Variants in MYRFL observed in about 807,000 individuals in gnomAD.
MYRFL encodes myelin regulatory factor-like protein.
MYRFL carries 88 observed loss-of-function variants against 109.4 expected under a neutral mutation model. The observed-to-expected ratio is 0.80, with a 90% CI of 0.68 to 0.96. The LOEUF is 0.96. Ranked by LOEUF, MYRFL falls within the 40% of genes least tolerant of loss-of-function variation. The probability of loss-of-function intolerance (pLI) is 0.00; values close to 1 mark genes in which losing one functional copy is unlikely to be tolerated. For synonymous variants in MYRFL, 324 were observed against 320.9 expected (o/e 1.01, Z -0.10); for missense variants, 957 against 954.9 (o/e 1.00, Z -0.03).
intron 11 of MYRFL, 60 bp from the exon 12 acceptor site, chr12:69,909,909 C>A: frequency 8.6e-7 from 1 of 1,165,570 alleles, no homozygotes; most frequent in South Asian, 1.6e-5. Flanking sequence ...TCACTCTGGG[C>A]ATTAATTTGA....
At chr12:69,843,280 A>T (rs1003390929) in intron 1 of MYRFL, among the ~76,000 whole-genome samples, 1 of 152,200 alleles carries the variant, frequency 6.6e-6, no homozygotes, top group African/African-American at 2.4e-5. Context: ...GAGGGAAACT[A>T]TGTTTAAATC....
At position 69,879,026 on chromosome 12, in the gene MYRFL, A is replaced by G. The variant is rs981906153; in HGVS notation, c.138-2A>G. The G allele has an allele frequency of 7.1e-6, 5 of 702,842 alleles. No individual in the cohort carries two copies. Among genetic ancestry groups the G allele is most frequent in the African/African-American group, 3.5e-5 (2 of 57,260 alleles). The allele number at this position is 702,842 out of a possible 1,614,324, so 43.5% of individuals were successfully genotyped here. On this transcript the variant is annotated splice_acceptor_variant, in intron 2 of 24. Transcript: ENST00000552032. LOFTEE classifies it high-confidence loss of function. Reference sequence around the variant, plus strand: ...AACGCAATGTATGTCTCTAATCTTCAGGCAACGCCAGCTCCCAGACACCCC... The same window carrying G: ...AACGCAATGTATGTCTCTAATCTTCGGGCAACGCCAGCTCCCAGACACCCC...
At chr12:69,856,880 C>A (rs1354311839) in intron 2 of MYRFL, among the ~76,000 whole-genome samples, 1 of 151,828 alleles carries the variant, frequency 6.6e-6, no homozygotes, top group Non-Finnish European at 1.5e-5. Flanking sequence ...TTTCTCAGAG[C>A]AAAAGTTTTA....
chr12:69,843,034 A>T (rs1317693905), intron 1 of MYRFL, among the ~76,000 whole-genome samples: 2 of 152,260 alleles, frequency 1.3e-5, no homozygotes, highest in Non-Finnish European at 2.9e-5. Flanking sequence ...AGAAAATGTC[A>T]TCCTTACTTC....
At chr12:69,948,421 GGAA>G (rs1211853808) in intron 19 of MYRFL, among the ~76,000 whole-genome samples, 1 of 152,144 alleles carries the variant, frequency 6.6e-6, no homozygotes, top group Non-Finnish European at 1.5e-5. Context: ...ACAGTTCTGT[GGAA>G]GAAGACAAAT....
chr12:69,850,319 A>G (rs1048053053), intron 1 of MYRFL, among the ~76,000 whole-genome samples: 1 of 152,114 alleles, frequency 6.6e-6, no homozygotes, highest in Non-Finnish European at 1.5e-5. Flanking sequence ...AGAAATTATC[A>G]TTATAAGAAA....
In MYRFL at chr12:69,876,509, T is replaced by C. The variant is rs114055135; in HGVS notation, c.138-2519T>C. Reference sequence around the variant, plus strand: ...ACGAAAAGAGCTCTTTGTGATTCTTTAGCATTCCCTATTTATCTGGTTTTG... The same window carrying C: ...ACGAAAAGAGCTCTTTGTGATTCTTCAGCATTCCCTATTTATCTGGTTTTG... On this transcript the variant is annotated intron_variant, in intron 2 of 24. Transcript: ENST00000552032. Among the ~76,000 whole-genome samples the C allele has an allele frequency of 5.3e-3, 812 of 152,356 alleles. 7 individuals are homozygous for C. The highest frequency in any genetic ancestry group is 0.018 in the African/African-American group (755 of 41,572).
chr12:69,875,848 C>CTGT (rs1885631334), intron 2 of MYRFL, among the ~76,000 whole-genome samples: 1 of 152,156 alleles, frequency 6.6e-6, no homozygotes, highest in Non-Finnish European at 1.5e-5. Context: ...TTGGGGATTG[C>CTGT]TGTTGTAGAG....
At chr12:69,931,542 T>C (rs74843471) in intron 15 of MYRFL, among the ~76,000 whole-genome samples, 14,314 of 152,184 alleles carry the variant, frequency 0.094, 947 homozygotes, top group Middle Eastern at 0.17. Context: ...CAAGAACCAA[T>C]TTAAAATTAT....
In MYRFL at chr12:69,853,067, C is replaced by T. The variant is rs909113452; in HGVS notation, c.47-2213C>T. On this transcript the variant is annotated intron_variant, in intron 1 of 24. Transcript: ENST00000552032. Reference sequence around the variant, plus strand: ...TTTTTCTGTTCGACAAAACCACCATCGTCATCATGGCCCGTTCTCAATGAG... The same window carrying T: ...TTTTTCTGTTCGACAAAACCACCATTGTCATCATGGCCCGTTCTCAATGAG... Among the ~76,000 whole-genome samples, 30 of 152,234 alleles carry T rather than the reference C, an allele frequency of 2.0e-4. 1 individual carries two copies. The highest frequency in any genetic ancestry group is 1.9e-3 in the Admixed American group (29 of 15,288).
At chr12:69,859,990 T>A (rs556282206) in intron 2 of MYRFL, among the ~76,000 whole-genome samples, 2 of 152,250 alleles carry the variant, frequency 1.3e-5, no homozygotes, top group South Asian at 4.1e-4. Flanking sequence ...TACAGACTTG[T>A]TACATAGATA....
At position 69,903,797 on chromosome 12, in the gene MYRFL, A is replaced by G; in HGVS notation, c.1336A>G (p.Thr446Ala). The G allele has an allele frequency of 6.5e-7, 1 of 1,535,532 alleles. No individual in the cohort carries two copies. Among genetic ancestry groups the G allele is most frequent in the South Asian group, 1.2e-5 (1 of 84,012 alleles). Residue 446 changes from threonine to alanine, a missense_variant, in exon 11 of 25, where the codon ACC becomes GCC. By Grantham distance (58) the Thr-to-Ala change is moderately conservative. Transcript: ENST00000552032. Reference sequence around the variant, plus strand: ...CTGTGGCAACATGAAAGTGATGGGGACCATCATGCATCCCTCTGACAGCCG... The same window carrying G: ...CTGTGGCAACATGAAAGTGATGGGGGCCATCATGCATCCCTCTGACAGCCG... ...VVCGNMKVMG[T>A]IMHPSDSRAK...
At chr12:69,946,384 T>C (rs899264174) in intron 19 of MYRFL, among the ~76,000 whole-genome samples, 2 of 152,184 alleles carry the variant, frequency 1.3e-5, no homozygotes, top group Non-Finnish European at 2.9e-5. Context: ...AATGTTTGAT[T>C]CACTTTTGTC....
At chr12:69,935,869 G>A in intron 16 of MYRFL, 1 of 506,926 alleles carries the variant, frequency 2.0e-6, no homozygotes. Context: ...GCTGCTCTAT[G>A]TGGAAAAATC....
chr12:69,958,389 A>T lies in MYRFL; in HGVS notation c.2647-56A>T, dbSNP rs1956141816. The T allele has an allele frequency of 2.0e-6, 3 of 1,516,684 alleles. No individual in the cohort carries two copies. The Middle Eastern group carries it at 5.1e-4, about 257-fold the overall frequency. 94.0% of individuals were successfully genotyped at this position (1,516,684 alleles called of 1,614,324 possible). ...TTGAGCAATAAAAAAAAATCACTTT[A>T]ACCACAGTTAATTTTTACATTAATC... On this transcript the variant is annotated intron_variant, in intron 24 of 24. Coordinates refer to ENST00000552032, the MANE Select transcript of MYRFL (RefSeq NM_182530.3).
At chr12:69,885,934 A>G (rs893176939) in intron 5 of MYRFL, among the ~76,000 whole-genome samples, 7 of 152,062 alleles carry the variant, frequency 4.6e-5, no homozygotes, top group East Asian at 1.9e-4. Context: ...TTTAATTTCT[A>G]TTTTGCAGTT....
intron 13 of MYRFL, among the ~76,000 whole-genome samples, chr12:69,917,761 T>A (rs1954789088): frequency 6.6e-6 from 1 of 152,166 alleles, no homozygotes. Context: ...AAAATTTGTG[T>A]ATATTAATGC....
chr12:69,891,575 T>TTCTTTCTTTC (rs1357610442), intron 7 of MYRFL, among the ~76,000 whole-genome samples: 3 of 131,104 alleles, frequency 2.3e-5, no homozygotes, highest in African/African-American at 9.4e-5. Context: ...CTTTCTTTCT[T>TTCTTTCTTTC]TCTTTCTTTC....
chr12:69,899,073 A>G (rs1254758664), intron 10 of MYRFL, among the ~76,000 whole-genome samples: 1 of 152,230 alleles, frequency 6.6e-6, no homozygotes, highest in African/African-American at 2.4e-5. Flanking sequence ...TTTTATTTCA[A>G]AAAATGATTG....
Sources: allele counts gnomAD v4.1 joint callset (sites outside exome capture counted in the v4.1 genomes callset), GRCh38; gene constraint gnomAD v4.1.1; transcripts MANE v1.5; gene names NCBI Gene and HGNC (gene_info 2026-07-23, HGNC 2026-07-21).